MACROD2: variants seen among roughly 807,000 people sequenced by gnomAD.
MACROD2 encodes mono-ADP ribosylhydrolase 2.
A neutral mutation model predicts 70.4 loss-of-function variants in MACROD2; 36 were observed. That is an observed-to-expected ratio of 0.51 (90% CI 0.39 to 0.68). The LOEUF is 0.68. MACROD2 is among the 30% of genes least tolerant of loss of function. The pLI is 0.00. For missense variants in MACROD2, 496 were observed against 538.4 expected, an observed-to-expected ratio of 0.92 and a Z score of 0.78; for synonymous variants, 172 against 178.8, an observed-to-expected ratio of 0.96 and a Z score of 0.30.
At chr20:14,554,887 A>C (rs188251149) in intron 4 of MACROD2, among the ~76,000 whole-genome samples, 4 of 152,072 alleles carry the variant, frequency 2.6e-5, no homozygotes, top group Admixed American at 2.6e-4. Context: ...TTTTATATTT[A>C]CTCATATTAA....
At chr20:14,901,240 A>G (rs2073891720) in intron 5 of MACROD2, among the ~76,000 whole-genome samples, 1 of 152,114 alleles carries the variant, frequency 6.6e-6, no homozygotes, top group Admixed American at 6.5e-5. Flanking sequence ...ACTTAGCATT[A>G]GACAAATTGT....
At chr20:15,151,943 G>C (rs1051602265) in intron 5 of MACROD2, among the ~76,000 whole-genome samples, 3 of 151,884 alleles carry the variant, frequency 2.0e-5, no homozygotes, top group Non-Finnish European at 4.4e-5. Context: ...AGAAGAGGAA[G>C]ATTAGAAAGA....
chr20:15,846,804 C>A (rs954514749), intron 8 of MACROD2, among the ~76,000 whole-genome samples: 3 of 151,550 alleles, frequency 2.0e-5, no homozygotes, highest in African/African-American at 7.3e-5. Flanking sequence ...ATATGGTGAC[C>A]CAACATGGCA....
At chr20:14,360,836 A>G (rs1006145609) in intron 3 of MACROD2, among the ~76,000 whole-genome samples, 2 of 152,202 alleles carry the variant, frequency 1.3e-5, no homozygotes, top group African/African-American at 2.4e-5. Context: ...TCAAATGTTT[A>G]GCATGGTGCC....
chr20:15,027,271 C>CTA (rs2075239287), intron 5 of MACROD2, among the ~76,000 whole-genome samples: 1 of 152,094 alleles, frequency 6.6e-6, no homozygotes, highest in Non-Finnish European at 1.5e-5. Flanking sequence ...TCTCTTTGTC[C>CTA]TATCATGTTT....
chr20:15,259,915 G>C (rs548011922), intron 6 of MACROD2, among the ~76,000 whole-genome samples: 14 of 151,956 alleles, frequency 9.2e-5, no homozygotes, highest in African/African-American at 3.1e-4. Context: ...TTAGGCTGCA[G>C]GTGTGGGATG....
intron 8 of MACROD2, among the ~76,000 whole-genome samples, chr20:15,837,461 TCA>T (rs2064126636): frequency 6.6e-6 from 1 of 152,170 alleles, no homozygotes; most frequent in African/African-American, 2.4e-5. Flanking sequence ...TCTCTTGTCC[TCA>T]CAAGAACCCC....
chr20:14,903,892 C>A (rs149030351), intron 5 of MACROD2, among the ~76,000 whole-genome samples: 1 of 152,102 alleles, frequency 6.6e-6, no homozygotes, highest in Non-Finnish European at 1.5e-5. Flanking sequence ...AATGAAGAAG[C>A]GTGCATGAAA....
At chr20:14,468,792 G>A (rs956976455) in intron 3 of MACROD2, among the ~76,000 whole-genome samples, 4 of 152,130 alleles carry the variant, frequency 2.6e-5, no homozygotes, top group African/African-American at 9.7e-5. Context: ...TTACAGGCGT[G>A]AGCTGTCACG....
chr20:15,250,305 C>T (rs8115737), intron 6 of MACROD2, among the ~76,000 whole-genome samples: 12,688 of 152,224 alleles, frequency 0.083, 1,142 homozygotes, highest in African/African-American at 0.23. Context: ...CTTTTGTACA[C>T]AGCTTTTATG....
intron 5 of MACROD2, among the ~76,000 whole-genome samples, chr20:15,079,661 C>T (rs1193847061): frequency 1.3e-5 from 2 of 152,040 alleles, no homozygotes; most frequent in Admixed American, 6.6e-5. Flanking sequence ...ACCCTCAACT[C>T]CCTTGACTCC....
chr20:14,737,475 G>A (rs1305305015), intron 5 of MACROD2, among the ~76,000 whole-genome samples: 4 of 152,066 alleles, frequency 2.6e-5, no homozygotes, highest in Non-Finnish European at 5.9e-5. Context: ...ACCCAGTAAT[G>A]GGATTGCTGG....
intron 4 of MACROD2, among the ~76,000 whole-genome samples, chr20:14,516,561 C>G (rs941193545): frequency 7.9e-5 from 12 of 152,146 alleles, no homozygotes; most frequent in Non-Finnish European, 1.5e-4. Context: ...AATAGGGAAT[C>G]TTTTCCCCAA....
At chr20:14,150,704 T>C (rs2055007541) in intron 3 of MACROD2, among the ~76,000 whole-genome samples, 2 of 152,210 alleles carry the variant, frequency 1.3e-5, no homozygotes, top group African/African-American at 4.8e-5. Context: ...AGAATACTTC[T>C]TTGCTGGAAT....
At chr20:14,551,837 T>C (rs1181022740) in intron 4 of MACROD2, among the ~76,000 whole-genome samples, 1 of 152,220 alleles carries the variant, frequency 6.6e-6, no homozygotes, top group Non-Finnish European at 1.5e-5. Flanking sequence ...TGAGCTGTTA[T>C]CCAGTTTCTG....
At chr20:15,822,253 G>A (rs1478311993) in intron 8 of MACROD2, among the ~76,000 whole-genome samples, 1 of 152,104 alleles carries the variant, frequency 6.6e-6, no homozygotes, top group East Asian at 1.9e-4. Flanking sequence ...TACCTTTGTG[G>A]CGTACACTTA....
chr20:14,521,004 T>C (rs1329770132), intron 4 of MACROD2, among the ~76,000 whole-genome samples: 2 of 152,178 alleles, frequency 1.3e-5, no homozygotes, highest in African/African-American at 4.8e-5. Context: ...ATAGGTTTTC[T>C]TGAAGTTTTA....
intron 5 of MACROD2, among the ~76,000 whole-genome samples, chr20:14,967,383 C>T (rs1268556758): frequency 1.3e-5 from 2 of 152,052 alleles, no homozygotes; most frequent in East Asian, 1.9e-4. Context: ...AGACTGGTCT[C>T]GAATTCCTGA....
At chr20:15,400,015 C>A (rs6034171) in intron 6 of MACROD2, among the ~76,000 whole-genome samples, 12,968 of 152,088 alleles carry the variant, frequency 0.085, 1,670 homozygotes, top group African/African-American at 0.28. Flanking sequence ...GACCAGGAAC[C>A]ACGCTGGCTG....
Sources: allele counts gnomAD v4.1 joint callset (sites outside exome capture counted in the v4.1 genomes callset), GRCh38; gene constraint gnomAD v4.1.1; transcripts MANE v1.5; gene names NCBI Gene and HGNC (gene_info 2026-07-23, HGNC 2026-07-21).